The following NEGR1 variants were observed in gnomAD, a reference collection of about 807,000 sequenced individuals.
The protein encoded by NEGR1 is IgLON family member 4.
A neutral mutation model predicts 40.9 loss-of-function variants in NEGR1; 10 were observed. That is an observed-to-expected ratio of 0.24 (90% CI 0.15 to 0.42). NEGR1 has a LOEUF of 0.42. NEGR1 is among the 10% of genes least tolerant of loss of function. NEGR1 has a pLI of 1.00. For missense variants in NEGR1, 352 were observed against 438.9 expected, an observed-to-expected ratio of 0.80 and a Z score of 1.77; for synonymous variants, 185 against 166.8, an observed-to-expected ratio of 1.11 and a Z score of -0.84.
At chr1:71,931,439 A>G (rs939969696) in intron 2 of NEGR1, among the ~76,000 whole-genome samples, 2 of 151,882 alleles carry the variant, frequency 1.3e-5, no homozygotes, top group Non-Finnish European at 2.9e-5. Context: ...GGTAATTTAT[A>G]ATGAACAGAA....
intron 1 of NEGR1, among the ~76,000 whole-genome samples, chr1:72,021,181 T>C (rs1339467063): frequency 6.6e-6 from 1 of 152,048 alleles, no homozygotes; most frequent in Non-Finnish European, 1.5e-5. Flanking sequence ...CTAAATACCA[T>C]GTGGGACTAA....
intron 1 of NEGR1, among the ~76,000 whole-genome samples, chr1:72,091,283 C>T (rs113691396): frequency 0.033 from 5,041 of 152,062 alleles, 289 homozygotes; most frequent in African/African-American, 0.12. Flanking sequence ...GTGACAATGA[C>T]GATATTATAG....
At chr1:71,946,119 G>A (rs1324195241) in intron 1 of NEGR1, among the ~76,000 whole-genome samples, 1 of 152,040 alleles carries the variant, frequency 6.6e-6, no homozygotes, top group African/African-American at 2.4e-5. Flanking sequence ...TGCAATCATA[G>A]CTCAATGCAG....
chr1:71,410,219 G>A (rs911536598), intron 6 of NEGR1, among the ~76,000 whole-genome samples: 9 of 152,030 alleles, frequency 5.9e-5, no homozygotes, highest in Middle Eastern at 3.2e-3. Flanking sequence ...GGGATGAATC[G>A]TTAGCTTGCA....
intron 6 of NEGR1, among the ~76,000 whole-genome samples, chr1:71,495,736 G>C (rs1429016104): frequency 6.6e-6 from 1 of 152,124 alleles, no homozygotes; most frequent in Admixed American, 6.5e-5. Flanking sequence ...ATAAAAGAAG[G>C]AGAGAGAAGA....
intron 3 of NEGR1, among the ~76,000 whole-genome samples, chr1:71,699,740 G>A (rs1473787700): frequency 3.3e-5 from 5 of 151,836 alleles, no homozygotes; most frequent in African/African-American, 4.8e-5. Context: ...GCCCCAACCC[G>A]ACTCTCAACT....
rs530579285 is a variant in NEGR1, at chr1:71,725,720, A to G, written c.536-27581T>C. 5.1e-4 allele frequency among the ~76,000 whole-genome samples: 77 copies of G among 152,126 alleles called. No individual in the cohort carries two copies. In the Middle Eastern group the frequency reaches 0.02, roughly 40 times the overall value. ...TATTGTTATTATTTTCTTTGAAAAC[A>G]CTCTGATGGATCTAAACTTGCCATC... On this transcript the variant is annotated intron_variant, in intron 3 of 6. Transcript: ENST00000357731.
At chr1:71,819,725 T>C (rs1658356908) in intron 2 of NEGR1, among the ~76,000 whole-genome samples, 1 of 151,964 alleles carries the variant, frequency 6.6e-6, no homozygotes, top group Non-Finnish European at 1.5e-5. Flanking sequence ...CAAATCTATG[T>C]CAAAGGGGGG....
chr1:71,489,677 T>C (rs1198550034), intron 6 of NEGR1: 1 of 151,838 alleles, frequency 6.6e-6, no homozygotes, highest in African/African-American at 2.4e-5. Flanking sequence ...TTTTTCTTTT[T>C]TCTTTTTTCT....
chr1:72,023,848 C>G (rs144109833), intron 1 of NEGR1, among the ~76,000 whole-genome samples: 1 of 151,926 alleles, frequency 6.6e-6, no homozygotes, highest in Non-Finnish European at 1.5e-5. Context: ...TTATTATATT[C>G]TCCTATCAAA....
At chr1:71,725,218 A>G (rs989060625) in intron 3 of NEGR1, among the ~76,000 whole-genome samples, 1 of 152,164 alleles carries the variant, frequency 6.6e-6, no homozygotes, top group Non-Finnish European at 1.5e-5. Flanking sequence ...GCTAAAATTT[A>G]CTATGTATCA....
In NEGR1 at chr1:72,179,806, C is replaced by T. The variant is rs572481871; in HGVS notation, c.176+102513G>A. Among the ~76,000 whole-genome samples the T allele has an allele frequency of 3.3e-5, 5 of 151,372 alleles. No individual in the cohort carries two copies. In the East Asian group the frequency reaches 9.7e-4, roughly 30 times the overall value. ...CCTATTAACAATAGCTTAAAAAAAA[C>T]CCTAGGAATAAATTTAACCAAGGAA... is the stretch of plus-strand genomic sequence containing the variant. On this transcript the variant is annotated intron_variant, in intron 1 of 6. Transcript: ENST00000357731.
intron 6 of NEGR1, among the ~76,000 whole-genome samples, chr1:71,509,549 TG>T (rs1335589457): frequency 6.6e-6 from 1 of 152,212 alleles, no homozygotes; most frequent in Admixed American, 6.5e-5. Context: ...ACCATACAAT[TG>T]GACCAGGACT....
chr1:71,704,142 ATCTCTCTC>A (rs151137477), intron 3 of NEGR1, among the ~76,000 whole-genome samples: 1 of 139,248 alleles, frequency 7.2e-6, no homozygotes, highest in South Asian at 2.3e-4. Context: ...AGAAAATAGA[ATCTCTCTC>A]TCTCTCTCTC....
rs1443900664 is a variant in NEGR1, at chr1:71,407,508, G to C, written c.1003C>G (p.Leu335Val). The change falls in exon 7 of 7, where the codon CTT (leucine) becomes GTT (valine). Residue 335 changes from leucine to valine, a missense_variant. This residue lies in a region of NEGR1 where 184 missense variants were observed against 208.7 expected (regional missense o/e 0.88). Transcript: ENST00000357731. ...SADVLFSCWY[L>V]VLTLSSFTSI... Reference sequence around the variant, plus strand: ...GTGAAAGAGGACAGTGTCAACACAAGGTACCAGCAGGAGAAAAGAACATCA... The same window carrying C: ...GTGAAAGAGGACAGTGTCAACACAACGTACCAGCAGGAGAAAAGAACATCA... 3 of 1,611,604 alleles carry C rather than the reference G, an allele frequency of 1.9e-6. No homozygotes were observed. In the Admixed American group the frequency reaches 5.0e-5, roughly 27 times the overall value.
At chr1:71,471,175 C>T (rs1373041484) in intron 6 of NEGR1, among the ~76,000 whole-genome samples, 3 of 152,078 alleles carry the variant, frequency 2.0e-5, no homozygotes, top group Admixed American at 2.0e-4. Flanking sequence ...GACTCTTGCA[C>T]AATAAATAAA....
At chr1:71,535,781 T>G (rs1387398344) in intron 6 of NEGR1, among the ~76,000 whole-genome samples, 1 of 151,674 alleles carries the variant, frequency 6.6e-6, no homozygotes, top group Non-Finnish European at 1.5e-5. Context: ...GTGAGATAGT[T>G]CAGTGAGTTA....
At chr1:72,169,154 A>T (rs1246512928) in intron 1 of NEGR1, among the ~76,000 whole-genome samples, 2 of 152,176 alleles carry the variant, frequency 1.3e-5, no homozygotes, top group African/African-American at 4.8e-5. Context: ...AAATTCAAGG[A>T]GTCAGATATC....
intron 6 of NEGR1, among the ~76,000 whole-genome samples, chr1:71,527,444 CAT>C: frequency 7.0e-6 from 1 of 143,756 alleles, no homozygotes; most frequent in South Asian, 2.3e-4. Flanking sequence ...TCCATCCATC[CAT>C]CCATGGGTAA....
Sources: allele counts gnomAD v4.1 joint callset (sites outside exome capture counted in the v4.1 genomes callset), GRCh38; gene constraint gnomAD v4.1.1; regional missense constraint gnomAD v4.1.1; transcripts MANE v1.5; gene names NCBI Gene and HGNC (gene_info 2026-07-23, HGNC 2026-07-21).